The following HRH1 variants were observed in gnomAD, a reference collection of about 807,000 sequenced individuals.
HRH1 encodes the protein histamine H1 receptor.
A neutral mutation model predicts 10.3 loss-of-function variants in HRH1; 6 were observed. The observed-to-expected ratio is 0.58, with a 90% confidence interval of 0.32 to 1.15. HRH1 has a LOEUF of 1.15. HRH1 is among the 50% of genes most tolerant of loss of function. The pLI, the probability that HRH1 is intolerant of heterozygous loss-of-function variation, is 0.05. For missense variants in HRH1, 514 were observed against 615.3 expected (o/e 0.84, Z 1.74); for synonymous variants, 242 against 236.7 (o/e 1.02, Z -0.21).
At chr3:11,168,495 A>C (rs1279682813) in intron 1 of HRH1, among the ~76,000 whole-genome samples, 1 of 152,220 alleles carries the variant, frequency 6.6e-6, no homozygotes, top group Non-Finnish European at 1.5e-5. Context: ...AACAGCTTCC[A>C]GGTCTGTTTC....
At chr3:11,238,694 C>T (rs1279228334) in intron 1 of HRH1, among the ~76,000 whole-genome samples, 1 of 152,196 alleles carries the variant, frequency 6.6e-6, no homozygotes, top group African/African-American at 2.4e-5. Context: ...CTTCCTGTCC[C>T]CCCCTCCACT....
At chr3:11,200,645 A>C (rs988673257) in intron 1 of HRH1, among the ~76,000 whole-genome samples, 5 of 152,114 alleles carry the variant, frequency 3.3e-5, no homozygotes, top group African/African-American at 1.2e-4. Flanking sequence ...CCACACTTAT[A>C]CCTCGCACAG....
At chr3:11,218,926 T>A (rs188077423) in intron 1 of HRH1, among the ~76,000 whole-genome samples, 44 of 152,236 alleles carry the variant, frequency 2.9e-4, no homozygotes, top group Non-Finnish European at 1.0e-4. Context: ...AGTCTTGCTC[T>A]GTTGCCCAGG....
intron 1 of HRH1, among the ~76,000 whole-genome samples, chr3:11,244,790 C>T (rs554680667): frequency 3.9e-5 from 6 of 152,148 alleles, no homozygotes; most frequent in Non-Finnish European, 7.3e-5. Context: ...TGCCTTACTT[C>T]GAGCTGAAAG....
Position 11,183,054 on chromosome 3 carries a change from C to T in HRH1, c.-36+28500C>T, listed in dbSNP as rs368852670. On this transcript the variant is annotated intron_variant, in intron 1 of 1. Transcript: ENST00000431010. ...TCAGGAAAATGGAAGATGCACTCCT[C>T]CCGCCCCCTGGCCATCTCTGATGCT... Among the ~76,000 whole-genome samples the T allele has an allele frequency of 1.6e-4, 24 of 152,348 alleles. No individual in the cohort carries two copies. The East Asian group carries it at 3.7e-3, about 23-fold the overall frequency.
chr3:11,203,241 A>G (rs1017037702), intron 1 of HRH1, among the ~76,000 whole-genome samples: 1 of 152,040 alleles, frequency 6.6e-6, no homozygotes, highest in Admixed American at 6.5e-5. Flanking sequence ...TTGTGTAGAC[A>G]CAAGTTTTCA....
At chr3:11,185,095 C>G (rs1937430791) in intron 1 of HRH1, among the ~76,000 whole-genome samples, 1 of 150,324 alleles carries the variant, frequency 6.7e-6, no homozygotes, top group Non-Finnish European at 1.5e-5. Flanking sequence ...CCCAAATATA[C>G]ATCCTCAGGT....
chr3:11,232,093 C>T (rs1216477215), intron 1 of HRH1, among the ~76,000 whole-genome samples: 4 of 151,592 alleles, frequency 2.6e-5, no homozygotes, highest in Admixed American at 2.0e-4. Flanking sequence ...CGGGTTCAAG[C>T]GATTCTGCCT....
intron 1 of HRH1, among the ~76,000 whole-genome samples, chr3:11,181,580 C>T (rs1024035967): frequency 4.6e-5 from 7 of 150,732 alleles, no homozygotes; most frequent in Admixed American, 1.3e-4. Flanking sequence ...GGCTTATTGA[C>T]CATTTATATA....
chr3:11,255,098 G>A (rs1242072364), intron 1 of HRH1, among the ~76,000 whole-genome samples: 1 of 152,170 alleles, frequency 6.6e-6, no homozygotes, highest in Non-Finnish European at 1.5e-5. Context: ...AGGAGACAAG[G>A]ATGTACAAGG....
intron 1 of HRH1, among the ~76,000 whole-genome samples, chr3:11,209,231 A>G (rs748526644): frequency 1.3e-5 from 2 of 152,146 alleles, no homozygotes; most frequent in Non-Finnish European, 2.9e-5. Flanking sequence ...AGTGGGGACT[A>G]CAGGCTTATG....
At chr3:11,140,918 A>G (rs1235146149) in intron 1 of HRH1, among the ~76,000 whole-genome samples, 1 of 152,172 alleles carries the variant, frequency 6.6e-6, no homozygotes, top group East Asian at 1.9e-4. Context: ...TTCTGTGCAG[A>G]GAAATACCAC....
chr3:11,154,758 C>T lies in HRH1; in HGVS notation c.-36+204C>T, dbSNP rs987786784. On this transcript the variant is annotated intron_variant, in intron 1 of 1. Coordinates refer to ENST00000431010, the MANE Select transcript of HRH1 (RefSeq NM_001098212.2). This position sits in a 1 kb window ranked among gnomAD's most constrained non-coding sequence, Gnocchi z 4.4. ...GCGGAGGGCGGCTCGCTCGGTGGCA[C>T]CGCTCCCCTCTCCACACTGTGGCCT... 3.3e-5 allele frequency among the ~76,000 whole-genome samples: 5 copies of T among 152,124 alleles called. No homozygotes were observed. Among genetic ancestry groups the T allele is most frequent in the African/African-American group, 9.6e-5 (4 of 41,530 alleles).
intron 1 of HRH1, among the ~76,000 whole-genome samples, chr3:11,159,142 G>T (rs527665857): frequency 2.0e-5 from 3 of 152,300 alleles, no homozygotes; most frequent in African/African-American, 7.2e-5. Flanking sequence ...CAGCTACTTG[G>T]GGGAATGAGG....
intron 1 of HRH1, among the ~76,000 whole-genome samples, chr3:11,207,606 G>A (rs1001388539): frequency 2.0e-5 from 3 of 152,016 alleles, no homozygotes; most frequent in African/African-American, 2.4e-5. Flanking sequence ...GAACTGGAGC[G>A]TGAGGTCCTT....
intron 1 of HRH1, among the ~76,000 whole-genome samples, chr3:11,148,180 CAAAAAAAAA>C (rs58792725): frequency 1.2e-5 from 1 of 85,966 alleles, no homozygotes; most frequent in South Asian, 3.3e-4. Flanking sequence ...CTCTGTCAAA[CAAAAAAAAA>C]AAAAAAAAAG....
chr3:11,139,374 G>A (rs902686799), intron 1 of HRH1, among the ~76,000 whole-genome samples: 7 of 151,786 alleles, frequency 4.6e-5, no homozygotes, highest in Non-Finnish European at 1.0e-4. Context: ...CCGCCTCCCG[G>A]GTTCAAGCAA....
At chr3:11,227,673 C>T (rs1938931816) in intron 1 of HRH1, among the ~76,000 whole-genome samples, 1 of 152,214 alleles carries the variant, frequency 6.6e-6, no homozygotes. Flanking sequence ...ATCTTCCTTT[C>T]ACTTCTGGAG....
intron 1 of HRH1, among the ~76,000 whole-genome samples, chr3:11,221,905 G>C (rs1313074434): frequency 3.3e-5 from 5 of 152,188 alleles, no homozygotes; most frequent in Non-Finnish European, 7.3e-5. Flanking sequence ...GTTCATCCAG[G>C]TGATACCACG....
Sources: gnomAD v4.1 joint callset for allele counts (sites outside exome capture counted in the v4.1 genomes callset) on GRCh38, gnomAD v4.1.1 for gene constraint, Gnocchi (gnomAD v3.1) non-coding constraint, MANE v1.5 for transcripts, NCBI Gene and HGNC (gene_info 2026-07-23, HGNC 2026-07-21) for gene names.